The following SMARCA2 variants were observed in gnomAD, a reference collection of about 807,000 sequenced individuals.
The protein encoded by SMARCA2 is SWI/SNF related BAF chromatin remodeling complex subunit ATPase 2.
SMARCA2 carries 61 observed loss-of-function variants against 199.8 expected under a neutral mutation model. The ratio of observed to expected loss-of-function variants is 0.31; its 90% CI spans 0.25 to 0.38. The LOEUF is 0.38. Among genes scored for constraint, SMARCA2 ranks in the 10% least tolerant of loss-of-function variants. SMARCA2 has a pLI of 1.00. For synonymous variants in SMARCA2, 935 were observed against 732.0 expected (o/e 1.28, Z -4.48); for missense variants, 1,344 against 2,012.2 (o/e 0.67, Z 6.35).
rs771118775 is a variant in SMARCA2 at position 2,161,818 on chromosome 9, C to CCCG, written c.4116_4118dup (p.Ala1373dup). The CCCG allele has an allele frequency of 6.2e-7, 1 of 1,613,970 alleles. No individual in the cohort carries two copies. Among genetic ancestry groups the CCCG allele is most frequent in the African/African-American group, 1.3e-5 (1 of 74,914 alleles). ...AGCTAAGAAGAGAAGAGGCCGCCCT[C>CCCG]CCGCTGAGAAACTGTCACCAAATCC... On this transcript the variant is annotated inframe_insertion, in exon 28 of 34. Coordinates refer to ENST00000349721, the MANE Select transcript of SMARCA2 (RefSeq NM_003070.5). This position sits in a 1 kb window ranked among gnomAD's most constrained non-coding sequence, Gnocchi z 4.7.
At chr9:2,046,745 G>T (rs1819862793) in intron 4 of SMARCA2, among the ~76,000 whole-genome samples, 1 of 152,156 alleles carries the variant, frequency 6.6e-6, no homozygotes, top group African/African-American at 2.4e-5. Flanking sequence ...TTTGCAAGAT[G>T]TGATTTTAGG....
intron 27 of SMARCA2, among the ~76,000 whole-genome samples, chr9:2,131,754 G>A (rs1049784225): frequency 6.6e-6 from 1 of 152,114 alleles, no homozygotes; most frequent in African/African-American, 2.4e-5. Context: ...GTCGAGGCCA[G>A]CATGGCGAAA....
rs17452565 is a variant in SMARCA2 at position 2,169,493 on chromosome 9, C to T, written c.4200-926C>T. Among the ~76,000 whole-genome samples the T allele has an allele frequency of 0.083, 12,682 of 152,198 alleles. 782 individuals are homozygous for T. The highest frequency in any genetic ancestry group is 0.19 in the Admixed American group (2,954 of 15,286). ...CCAAAGAATTCTGTGTATTTTGAAG[C>T]GAGCACATGCGCTTCCACCCCTCTG... On this transcript the variant is annotated intron_variant, in intron 28 of 33. Transcript: ENST00000349721. This position sits in a 1 kb window ranked among gnomAD's most constrained non-coding sequence, Gnocchi z 6.5.
At chr9:2,136,554 A>T (rs78567780) in intron 27 of SMARCA2, among the ~76,000 whole-genome samples, 4,576 of 152,242 alleles carry the variant, frequency 0.03, 108 homozygotes, top group Non-Finnish European at 0.048. Context: ...TGAAAAGCAA[A>T]TTCAATTCAA....
Position 2,048,716 on chromosome 9 carries a change from ATC to A in SMARCA2, c.1046+1234_1046+1235del, listed in dbSNP as rs536837545. On this transcript the variant is annotated intron_variant, in intron 5 of 33. Transcript: ENST00000349721. ...TTTATTCTCATCACTATTAATAATC[ATC>A]TGTTAAGAGATTTTATATTGCTATT... Among the ~76,000 whole-genome samples, 32 of 152,322 alleles carry A rather than the reference ATC, an allele frequency of 2.1e-4. No homozygotes were observed. The East Asian group carries it at 5.6e-3, about 27-fold the overall frequency.
At chr9:2,191,593 G>C (rs147427386) in intron 33 of SMARCA2, 185 bp downstream of exon 33, 1 of 547,732 alleles carries the variant, frequency 1.8e-6, no homozygotes, top group Non-Finnish European at 3.1e-6. Context: ...AGGATTGGGG[G>C]CTTTGTTTAT....
Position 2,097,387 on chromosome 9 carries a change from G to A in SMARCA2, c.2994G>A (p.Gly998=), listed in dbSNP as rs1822316774. The A allele has an allele frequency of 1.9e-6, 3 of 1,599,994 alleles. No individual in the cohort carries two copies. The highest frequency in any genetic ancestry group is 1.7e-5 in the Admixed American group (1 of 59,612). ...TTTCCCTTTCCACTGGTTCTTAGGG[G>A]AAAGGAGGTGCTAAGACACTTATGA... The part of the protein sequence containing the change: ...LTDGSEKDKK[G]KGGAKTLMNT... Residue 998 remains glycine (G), a splice_region_variant and synonymous_variant, in exon 21 of 34, where the codon GGG becomes GGA. Coordinates refer to ENST00000349721, the MANE Select transcript of SMARCA2 (RefSeq NM_003070.5).
At chr9:2,134,134 AAAG>A (rs1382313304) in intron 27 of SMARCA2, among the ~76,000 whole-genome samples, 2 of 152,236 alleles carry the variant, frequency 1.3e-5, no homozygotes, top group Non-Finnish European at 2.9e-5. Context: ...GATAATAGAA[AAAG>A]AAGAAAATAC....
intron 20 of SMARCA2, 77 bp from the exon 21 acceptor site, chr9:2,097,308 G>C: frequency 1.1e-6 from 1 of 915,590 alleles, no homozygotes; most frequent in Non-Finnish European, 1.8e-6. Flanking sequence ...CTTTGTATAA[G>C]AAGCCCAGTG....
intron 31 of SMARCA2, among the ~76,000 whole-genome samples, chr9:2,183,441 C>G (rs1413843838): frequency 6.6e-6 from 1 of 152,114 alleles, no homozygotes; most frequent in African/African-American, 2.4e-5. Context: ...TTAATTACAC[C>G]TCAATTACTG....
chr9:2,122,399 G>A (rs1163059276), intron 26 of SMARCA2, among the ~76,000 whole-genome samples: 2 of 152,082 alleles, frequency 1.3e-5, no homozygotes, highest in South Asian at 2.1e-4. Context: ...TAGAACTGCT[G>A]TAAAGAAGGC....
chr9:2,022,059 C>G (rs1488345796), intron 1 of SMARCA2: 1 of 150,624 alleles, frequency 6.6e-6, no homozygotes, highest in East Asian at 1.9e-4. Flanking sequence ...CAAGAAGTTC[C>G]AGTTGGGGAG....
Position 2,193,319 on chromosome 9 carries a change from T to TATAAG in SMARCA2, c.*583_*587dup. On this transcript the variant is annotated 3_prime_UTR_variant, in exon 34 of 34. Coordinates refer to ENST00000349721, the MANE Select transcript of SMARCA2 (RefSeq NM_003070.5). Reference sequence around the variant, plus strand: ...ATCTGAACAAAAGCTTTTTGAATTGTATAAGATTTATGTCTACTGTAAACA... The same window carrying TATAAG: ...ATCTGAACAAAAGCTTTTTGAATTGTATAAGATAAGATTTATGTCTACTGTAAACA... The TATAAG allele has an allele frequency of 6.5e-6, 1 of 152,810 alleles. No homozygotes were observed. The highest frequency in any genetic ancestry group is 2.4e-5 in the African/African-American group (1 of 41,578). 9.5% of individuals were successfully genotyped at this position (152,810 alleles called of 1,614,324 possible). A position where few individuals can be genotyped will look rare whatever the true frequency, so the allele number is the denominator to read the frequency against.
chr9:2,087,278 C>G, intron 18 of SMARCA2: 1 of 592,870 alleles, frequency 1.7e-6, no homozygotes, highest in African/African-American at 1.9e-5. Flanking sequence ...CATGGGGCAT[C>G]TAACCCCTTT....
intron 27 of SMARCA2, among the ~76,000 whole-genome samples, chr9:2,153,392 G>T (rs1240328212): frequency 6.6e-6 from 1 of 152,032 alleles, no homozygotes; most frequent in African/African-American, 2.4e-5. Context: ...AAATCGCCAG[G>T]CATGGTGGTG....
At chr9:2,107,321 A>T (rs10964783) in intron 23 of SMARCA2, among the ~76,000 whole-genome samples, 4,219 of 152,086 alleles carry the variant, frequency 0.028, 98 homozygotes, top group Non-Finnish European at 0.041. Flanking sequence ...CAGTTTATTT[A>T]ATTTAATTTT....
intron 32 of SMARCA2, among the ~76,000 whole-genome samples, 165 bp from the exon 33 acceptor site, chr9:2,191,101 G>A (rs554082382): frequency 2.6e-4 from 39 of 152,286 alleles, no homozygotes; most frequent in African/African-American, 9.1e-4. Flanking sequence ...GCAAGTGAAA[G>A]GGGTCGCTGA....
In SMARCA2 at chr9:2,161,773, G is replaced by A; in HGVS notation, c.4069G>A (p.Ala1357Thr). 1 of 1,614,024 alleles carries A rather than the reference G, an allele frequency of 6.2e-7. No homozygotes were observed. The highest frequency in any genetic ancestry group is 8.5e-7 in the Non-Finnish European group (1 of 1,179,950). ...ACGAAGAAATGTGGATAAAGATCCT[G>A]CAAAAGAAGATGTGGAAAAAGCTAA... is the stretch of plus-strand genomic sequence containing the variant. ...KRRRNVDKDP[A>T]KEDVEKAKKR... Residue 1357 changes from alanine (A) to threonine (T), a missense_variant, in exon 28 of 34, where the codon GCA becomes ACA. By Grantham distance (58) the Ala-to-Thr change is moderately conservative. This residue lies in a region of SMARCA2 where 151 missense variants were observed against 154.0 expected (regional missense o/e 0.98). Coordinates refer to ENST00000349721, the MANE Select transcript of SMARCA2 (RefSeq NM_003070.5). The surrounding 1 kb of genome is among the most constrained non-coding windows in gnomAD (Gnocchi z 4.7).
rs147446872 is a variant in SMARCA2 at position 2,139,039 on chromosome 9, T to C, written c.3981+15102T>C. ...CTTTTGGGGACTCACCTGTAGCATC[T>C]GAAGAGTTGAGATGAGTCCTGTGTG... On this transcript the variant is annotated intron_variant, in intron 27 of 33. Coordinates refer to ENST00000349721, the MANE Select transcript of SMARCA2 (RefSeq NM_003070.5). Among the ~76,000 whole-genome samples, 1,272 of 151,658 alleles carry C rather than the reference T, an allele frequency of 8.4e-3. 9 individuals are homozygous for C. The highest frequency in any genetic ancestry group is 0.024 in the Middle Eastern group (7 of 292).
Sources: allele counts gnomAD v4.1 joint callset (sites outside exome capture counted in the v4.1 genomes callset), GRCh38; gene constraint gnomAD v4.1.1; regional missense constraint gnomAD v4.1.1; non-coding constraint Gnocchi (gnomAD v3.1); transcripts MANE v1.5; gene names NCBI Gene and HGNC (gene_info 2026-07-23, HGNC 2026-07-21).